The following ZDHHC22 variants were observed in gnomAD, a reference collection of about 807,000 sequenced individuals.
The protein encoded by ZDHHC22 is zDHHC palmitoyltransferase 22, also known as palmitoyltransferase ZDHHC22.
ZDHHC22 carries 13 observed loss-of-function variants against 17.0 expected under a neutral mutation model. The observed-to-expected ratio is 0.76, with a 90% CI of 0.50 to 1.21. The LOEUF (loss-of-function observed/expected upper bound fraction) is 1.21. Among genes scored for constraint, ZDHHC22 ranks in the 50% most tolerant of loss-of-function variants. ZDHHC22 has a pLI of 0.00. For synonymous variants in ZDHHC22, 138 were observed against 154.7 expected, an observed-to-expected ratio of 0.89 and a Z score of 0.80; for missense variants, 319 against 342.3, an observed-to-expected ratio of 0.93 and a Z score of 0.54.
In ZDHHC22 at chr14:77,133,842, G is replaced by A; in HGVS notation, c.633C>T (p.Leu211=). 3 of 1,613,694 alleles carry A rather than the reference G, an allele frequency of 1.9e-6. No homozygotes were observed. The highest frequency in any genetic ancestry group is 2.5e-6 in the Non-Finnish European group (3 of 1,179,812). The part of the protein sequence containing the change: ...GFCCHQLLLI[L]RGQTRHQVRK... ...GCACCTGGTGGCGGGTCTGCCCGCG[G>A]AGGATCAACAGCAGCTGGTGGCAGC... is the stretch of plus-strand genomic sequence containing the variant. The change falls in exon 3 of 3, where the codon CTC becomes CTT. Residue 211 remains leucine (L), a synonymous_variant. Transcript: ENST00000319374.
chr14:77,134,836 T>C lies in ZDHHC22; in HGVS notation c.527-888A>G, dbSNP rs78656477. Among the ~76,000 whole-genome samples, 979 of 152,320 alleles carry C rather than the reference T, an allele frequency of 6.4e-3. 7 individuals carry two copies. The highest frequency in any genetic ancestry group is 0.022 in the African/African-American group (922 of 41,570). ...GTCCCAACCTCTCAGTTGCAGCTCGTTCATCTGTACAATGGGTATAATAAC... is the reference window on the plus strand; with the variant it reads ...GTCCCAACCTCTCAGTTGCAGCTCGCTCATCTGTACAATGGGTATAATAAC... On this transcript the variant is annotated intron_variant, in intron 2 of 2. Coordinates refer to ENST00000319374, the MANE Select transcript of ZDHHC22 (RefSeq NM_174976.2).
At chr14:77,135,782 G>A (rs2140050993) in intron 2 of ZDHHC22, among the ~76,000 whole-genome samples, 1 of 152,354 alleles carries the variant, frequency 6.6e-6, no homozygotes, top group South Asian at 2.1e-4. Context: ...ACAAGCCTGG[G>A]TGGATGGAAG....
Position 77,141,653 on chromosome 14 carries a change from C to T in ZDHHC22, c.-65G>A, listed in dbSNP as rs1260587400. 6.5e-6 allele frequency: 1 copy of T among 152,924 alleles called. No individual in the cohort carries two copies. The highest frequency in any genetic ancestry group is 1.5e-5 in the Non-Finnish European group (1 of 68,130). 9.5% of individuals were successfully genotyped at this position (152,924 alleles called of 1,614,324 possible). A position where few individuals can be genotyped will look rare whatever the true frequency, so the allele number is the denominator to read the frequency against. On this transcript the variant is annotated 5_prime_UTR_variant, in exon 1 of 3. Coordinates refer to ENST00000319374, the MANE Select transcript of ZDHHC22 (RefSeq NM_174976.2). ...GCCCCGGACGCCGGCTCTCGCCCTG[C>T]CCGAGGCTGCAAAGTTGTGGACTCG... is the stretch of plus-strand genomic sequence containing the variant.
At chr14:77,138,455 G>A (rs945232014) in intron 2 of ZDHHC22, among the ~76,000 whole-genome samples, 1 of 152,148 alleles carries the variant, frequency 6.6e-6, no homozygotes, top group African/African-American at 2.4e-5. Context: ...CTACTCGGGA[G>A]GTTGAGGCAA....
Position 77,131,998 on chromosome 14 carries a change from G to A in ZDHHC22, c.*1685C>T, listed in dbSNP as rs1199405650. ...CAATCTCTGCTCAAGAACCCAGGCT[G>A]TTGCGCAGCTATCAGCGGGTCACTG... On this transcript the variant is annotated 3_prime_UTR_variant, in exon 3 of 3. Transcript: ENST00000319374. The A allele has an allele frequency of 6.6e-6, 1 of 152,274 alleles. No individual in the cohort carries two copies. The highest frequency in any genetic ancestry group is 2.4e-5 in the African/African-American group (1 of 41,460). The allele number at this position is 152,274 out of a possible 1,614,324, so 9.4% of individuals were successfully genotyped here.
At chr14:77,139,092 G>A in intron 2 of ZDHHC22, 121 bp downstream of exon 2, 1 of 1,084,598 alleles carries the variant, frequency 9.2e-7, no homozygotes, top group Non-Finnish European at 1.3e-6. Flanking sequence ...AATTTAGCGG[G>A]ACGGTCTGTA....
At position 77,139,484 on chromosome 14, in the gene ZDHHC22, C is replaced by T. The variant is rs1460674223; in HGVS notation, c.255G>A (p.Arg85=). The T allele has an allele frequency of 6.2e-7, 1 of 1,612,970 alleles. No individual in the cohort carries two copies. Among genetic ancestry groups the T allele is most frequent in the Non-Finnish European group, 8.5e-7 (1 of 1,179,558 alleles). The stretch of plus-strand genomic sequence containing the variant: ...TGCTAGGTGAGGGGCATGGAGTCTT[C>T]CTGGCCGAGGCCCCCTGGCAGGCCC... ...DLGACQGASA[R]KTPCPSPSTH... The change falls in exon 2 of 3, where the codon AGG becomes AGA. Residue 85 remains arginine, a synonymous_variant. Transcript: ENST00000319374.
chr14:77,136,575 A>G (rs1887140713), intron 2 of ZDHHC22, among the ~76,000 whole-genome samples: 2 of 152,136 alleles, frequency 1.3e-5, no homozygotes, highest in Admixed American at 1.3e-4. Context: ...GCCAAAAGAA[A>G]GGGTAACTTC....
In ZDHHC22 at chr14:77,140,739, A is replaced by G. The variant is rs1311228883; in HGVS notation, c.-15+864T>C. On this transcript the variant is annotated intron_variant, in intron 1 of 2. Coordinates refer to ENST00000319374, the MANE Select transcript of ZDHHC22 (RefSeq NM_174976.2). The surrounding 1 kb of genome is among the most constrained non-coding windows in gnomAD (Gnocchi z 5.9). ...ATGCCGACAAGCCCGCCCTGGGCGC[A>G]CGAGTGGATGCTTGGCCAGCCTTTC... 1.3e-5 allele frequency: 2 copies of G among 152,098 alleles called. No homozygotes were observed. Among genetic ancestry groups the G allele is most frequent in the Non-Finnish European group, 2.9e-5 (2 of 68,058 alleles). The allele number at this position is 152,098 out of a possible 1,614,324, so 9.4% of individuals were successfully genotyped here. A position where few individuals can be genotyped will look rare whatever the true frequency, so the allele number is the denominator to read the frequency against.
chr14:77,135,851 G>A (rs1009201730), intron 2 of ZDHHC22, among the ~76,000 whole-genome samples: 4 of 152,146 alleles, frequency 2.6e-5, no homozygotes, highest in East Asian at 1.9e-4. Flanking sequence ...AAGAACTTGC[G>A]GCCTTTTCTT....
rs544489513 is a variant in ZDHHC22, at chr14:77,134,019, G to GC, written c.527-72dup. On this transcript the variant is annotated intron_variant, in intron 2 of 2. Coordinates refer to ENST00000319374, the MANE Select transcript of ZDHHC22 (RefSeq NM_174976.2). ...GGCCACCGGCATAACTGCGATCTAG[G>GC]CAGGCTTTCCACCGGGAGGGAGGGA... is the stretch of plus-strand genomic sequence containing the variant. The GC allele has an allele frequency of 1.6e-4, 233 of 1,469,480 alleles. 3 individuals are homozygous for GC. The South Asian group carries it at 3.3e-3, about 21-fold the overall frequency. The allele number at this position is 1,469,480 out of a possible 1,614,324, so 91.0% of individuals were successfully genotyped here. A position where few individuals can be genotyped will look rare whatever the true frequency, so the allele number is the denominator to read the frequency against.
rs370333342 is a variant in ZDHHC22, at chr14:77,133,967, G to T, written c.527-19C>A. On this transcript the variant is annotated intron_variant, in intron 2 of 2. Coordinates refer to ENST00000319374, the MANE Select transcript of ZDHHC22 (RefSeq NM_174976.2). The stretch of plus-strand genomic sequence containing the variant: ...ACAGCTCCTGCAGGGCACGGGGAGG[G>T]GAAACACCAGAGCCGCTTTACACCC... The T allele has an allele frequency of 1.3e-6, 2 of 1,543,120 alleles. No homozygotes were observed. Among genetic ancestry groups the T allele is most frequent in the African/African-American group, 1.4e-5 (1 of 72,870 alleles).
Position 77,140,936 on chromosome 14 carries a change from G to C in ZDHHC22, c.-15+667C>G, listed in dbSNP as rs1351821004. ...TCGGCCAGCCGGAGGCGCGAGAAAAGTTCTGGGAAGGCGGTTGCACCTAGG... is the reference window on the plus strand; with the variant it reads ...TCGGCCAGCCGGAGGCGCGAGAAAACTTCTGGGAAGGCGGTTGCACCTAGG... On this transcript the variant is annotated intron_variant, in intron 1 of 2. Coordinates refer to ENST00000319374, the MANE Select transcript of ZDHHC22 (RefSeq NM_174976.2). This position sits in a 1 kb window ranked among gnomAD's most constrained non-coding sequence, Gnocchi z 5.9. 6.6e-6 allele frequency: 1 copy of C among 152,258 alleles called. No homozygotes were observed. Among genetic ancestry groups the C allele is most frequent in the East Asian group, 1.9e-4 (1 of 5,178 alleles). 9.4% of individuals were successfully genotyped at this position (152,258 alleles called of 1,614,324 possible). A position where few individuals can be genotyped will look rare whatever the true frequency, so the allele number is the denominator to read the frequency against.
In ZDHHC22 at chr14:77,139,620, G is replaced by A. The variant is rs779721982; in HGVS notation, c.119C>T (p.Ala40Val). The change falls in exon 2 of 3, where the codon GCC becomes GTC. Residue 40 changes from alanine to valine, a missense_variant. Coordinates refer to ENST00000319374, the MANE Select transcript of ZDHHC22 (RefSeq NM_174976.2). ...FLPSMREDPAAARLFSPALLH... is the reference protein window; with the variant it reads ...FLPSMREDPAVARLFSPALLH... Reference sequence around the variant, plus strand: ...CAGGGCGGGCGAGAAGAGCCGGGCGGCCGCGGGGTCCTCGCGCATGCTGGG... The same window carrying A: ...CAGGGCGGGCGAGAAGAGCCGGGCGACCGCGGGGTCCTCGCGCATGCTGGG... 5.7e-6 allele frequency: 9 copies of A among 1,581,680 alleles called. No homozygotes were observed. The highest frequency in any genetic ancestry group is 6.9e-6 in the Non-Finnish European group (8 of 1,163,604).
At chr14:77,135,546 AG>A (rs780653471) in intron 2 of ZDHHC22, among the ~76,000 whole-genome samples, 8 of 152,198 alleles carry the variant, frequency 5.3e-5, no homozygotes, top group Admixed American at 3.9e-4. Context: ...CCACTGGCAC[AG>A]GGGCAGCAGT....
intron 2 of ZDHHC22, 32 bp from the exon 3 acceptor site, chr14:77,133,980 C>T (rs2140049405): frequency 6.6e-7 from 1 of 1,522,024 alleles, no homozygotes; most frequent in Non-Finnish European, 8.8e-7. Context: ...AACACCAGAG[C>T]CGCTTTACAC....
In ZDHHC22 at chr14:77,139,256, G is replaced by C. The variant is rs745911309; in HGVS notation, c.483C>G (p.Ala161=). The C allele has an allele frequency of 1.3e-6, 2 of 1,593,928 alleles. No homozygotes were observed. Among genetic ancestry groups the C allele is most frequent in the Admixed American group, 1.8e-5 (1 of 56,602 alleles). ...VLSISFAHPL[A]FLTLLPTSIS... Reference sequence around the variant, plus strand: ...TGGAGGTGGGCAGGAGCGTGAGGAAGGCCAAGGGGTGGGCGAAGGAGATGG... The same window carrying C: ...TGGAGGTGGGCAGGAGCGTGAGGAACGCCAAGGGGTGGGCGAAGGAGATGG... The change falls in exon 2 of 3, where the codon GCC becomes GCG. Residue 161 remains alanine, a synonymous_variant. Coordinates refer to ENST00000319374, the MANE Select transcript of ZDHHC22 (RefSeq NM_174976.2).
chr14:77,135,444 T>TC (rs1854519060), intron 2 of ZDHHC22, among the ~76,000 whole-genome samples: 1 of 151,944 alleles, frequency 6.6e-6, no homozygotes. Flanking sequence ...CCTCTTGTCC[T>TC]CATCCCTAGG....
At chr14:77,135,821 C>T (rs1887126525) in intron 2 of ZDHHC22, among the ~76,000 whole-genome samples, 1 of 152,188 alleles carries the variant, frequency 6.6e-6, no homozygotes, top group East Asian at 1.9e-4. Context: ...TTTCCTGGCA[C>T]TAAATCAAGG....
Sources: gnomAD v4.1 joint callset for allele counts (sites outside exome capture counted in the v4.1 genomes callset) on GRCh38, gnomAD v4.1.1 for gene constraint, Gnocchi (gnomAD v3.1) non-coding constraint, MANE v1.5 for transcripts, NCBI Gene and HGNC (gene_info 2026-07-23, HGNC 2026-07-21) for gene names.